SLC6A11: variants seen among roughly 807,000 people sequenced by gnomAD.
SLC6A11 encodes the protein sodium- and chloride-dependent GABA transporter 3.
In SLC6A11, 25 loss-of-function variants were observed where a neutral mutation model predicts 74.8. That is an observed-to-expected ratio of 0.33 (90% CI 0.24 to 0.47). The LOEUF (loss-of-function observed/expected upper bound fraction) is 0.47, where lower values mean the gene tolerates loss of function less well. Ranked by LOEUF, SLC6A11 falls within the 20% of genes least tolerant of loss-of-function variation. The pLI, the probability that SLC6A11 is intolerant of heterozygous loss-of-function variation, is 1.00. For synonymous variants in SLC6A11, 330 were observed against 330.2 expected (o/e 1.00, Z 0.01); for missense variants, 574 against 837.0 (o/e 0.69, Z 3.88).
chr3:10,850,592 G>C (rs945890467), intron 5 of SLC6A11, among the ~76,000 whole-genome samples: 3 of 152,204 alleles, frequency 2.0e-5, no homozygotes, highest in African/African-American at 7.2e-5. Flanking sequence ...GGAAGGATGG[G>C]ATGGGGCCAG....
intron 5 of SLC6A11, among the ~76,000 whole-genome samples, chr3:10,850,350 G>A (rs1025765551): frequency 2.0e-5 from 3 of 152,170 alleles, no homozygotes; most frequent in South Asian, 2.1e-4. Flanking sequence ...TCATTTGCTC[G>A]CTCATTCATT....
intron 8 of SLC6A11, among the ~76,000 whole-genome samples, chr3:10,922,417 G>A (rs148499255): frequency 1.3e-5 from 2 of 152,280 alleles, no homozygotes; most frequent in Non-Finnish European, 2.9e-5. Flanking sequence ...GAAATGGTGT[G>A]TGTGTGTAAA....
In SLC6A11 at chr3:10,924,955, G is replaced by C. The variant is rs528270007; in HGVS notation, c.1121-1049G>C. On this transcript the variant is annotated intron_variant, in intron 8 of 13. Coordinates refer to ENST00000254488, the MANE Select transcript of SLC6A11 (RefSeq NM_014229.3). ...TTCTTAGAACGTTAAACATATGATTGCCATATGACCCAGCAATTCCACTTC... is the reference window on the plus strand; with the variant it reads ...TTCTTAGAACGTTAAACATATGATTCCCATATGACCCAGCAATTCCACTTC... 3.9e-5 allele frequency among the ~76,000 whole-genome samples: 6 copies of C among 152,284 alleles called. No homozygotes were observed. In the South Asian group the frequency reaches 1.0e-3, roughly 26 times the overall value.
At chr3:10,891,611 T>G in intron 6 of SLC6A11, among the ~76,000 whole-genome samples, 1 of 152,224 alleles carries the variant, frequency 6.6e-6, no homozygotes, top group East Asian at 1.9e-4. Flanking sequence ...TTTAATAAAT[T>G]TAAGAGCCAG....
In SLC6A11 at chr3:10,862,647, T is replaced by C. The variant is rs3774111; in HGVS notation, c.757-12314T>C. ...CTTCTTGCTTTAAGGACTTTCTTCA[T>C]GTAGCACATTCTAGATCAGGACTCT... On this transcript the variant is annotated intron_variant, in intron 5 of 13. Coordinates refer to ENST00000254488, the MANE Select transcript of SLC6A11 (RefSeq NM_014229.3). Among the ~76,000 whole-genome samples the C allele has an allele frequency of 2.1e-3, 321 of 152,344 alleles. 8 individuals carry two copies. In the East Asian group the frequency reaches 0.048, roughly 23 times the overall value.
chr3:10,875,090 C>A lies in SLC6A11; in HGVS notation c.886C>A (p.Pro296Thr). 6.2e-7 allele frequency: 1 copy of A among 1,606,936 alleles called. No individual in the cohort carries two copies. Among genetic ancestry groups the A allele is most frequent in the Non-Finnish European group, 8.5e-7 (1 of 1,174,944 alleles). Residue 296 changes from proline to threonine, a missense_variant, in exon 6 of 14, where the codon CCC becomes ACC. By Grantham distance (38) the Pro-to-Thr change is conservative. Transcript: ENST00000254488. ...CCCTGACCTCTCCCGGCTCTCCGACCCCCAGGTAAGAGTCGCTTGCTCAAT... is the reference window on the plus strand; with the variant it reads ...CCCTGACCTCTCCCGGCTCTCCGACACCCAGGTAAGAGTCGCTTGCTCAAT... ...LYPDLSRLSD[P>T]QVWVDAGTQI... is the part of the protein sequence containing the mutation.
intron 7 of SLC6A11, among the ~76,000 whole-genome samples, chr3:10,917,883 G>A (rs531504147): frequency 6.6e-6 from 1 of 152,256 alleles, no homozygotes; most frequent in South Asian, 2.1e-4. Context: ...GGAGCTTCAG[G>A]TGCAAGGCCC....
chr3:10,908,231 A>G (rs975738965), intron 6 of SLC6A11, among the ~76,000 whole-genome samples: 12 of 152,268 alleles, frequency 7.9e-5, no homozygotes, highest in African/African-American at 2.9e-4. Context: ...TATGAAAAGT[A>G]TAAAAAGTTT....
rs994694384 is a variant in SLC6A11 at position 10,915,529 on chromosome 3, C to G, written c.996-2800C>G. 6.6e-6 allele frequency among the ~76,000 whole-genome samples: 1 copy of G among 152,152 alleles called. No individual in the cohort carries two copies. The highest frequency in any genetic ancestry group is 2.4e-5 in the African/African-American group (1 of 41,424). The stretch of plus-strand genomic sequence containing the variant: ...CTTAAAAGCCCAGCTCAGTGCCTGC[C>G]GACTTCAAAGCACTGTTACATAAGC... On this transcript the variant is annotated intron_variant, in intron 7 of 13. Coordinates refer to ENST00000254488, the MANE Select transcript of SLC6A11 (RefSeq NM_014229.3). The surrounding 1 kb of genome is among the most constrained non-coding windows in gnomAD (Gnocchi z 4.3).
At chr3:10,847,928 C>T (rs573115546) in intron 5 of SLC6A11, among the ~76,000 whole-genome samples, 36 of 152,250 alleles carry the variant, frequency 2.4e-4, no homozygotes, top group African/African-American at 8.7e-4. Context: ...TAGCCAGATC[C>T]TTTTTCACAA....
intron 8 of SLC6A11, among the ~76,000 whole-genome samples, chr3:10,922,468 TG>T (rs1231110371): frequency 6.6e-6 from 1 of 152,142 alleles, no homozygotes; most frequent in Admixed American, 6.5e-5. Context: ...CTACCCATTA[TG>T]TGAAAAAAGA....
intron 6 of SLC6A11, among the ~76,000 whole-genome samples, chr3:10,901,011 A>T (rs1283785319): frequency 6.6e-6 from 1 of 152,182 alleles, no homozygotes; most frequent in African/African-American, 2.4e-5. Context: ...GTGGGTAGAC[A>T]TCCTACAGGG....
At chr3:10,880,671 T>G (rs990462914) in intron 6 of SLC6A11, among the ~76,000 whole-genome samples, 1 of 151,966 alleles carries the variant, frequency 6.6e-6, no homozygotes, top group African/African-American at 2.4e-5. Flanking sequence ...TCTAGTCCCT[T>G]GGAGGATGAG....
chr3:10,920,289 C>G (rs1695519286), intron 8 of SLC6A11, among the ~76,000 whole-genome samples: 1 of 152,092 alleles, frequency 6.6e-6, no homozygotes, highest in Non-Finnish European at 1.5e-5. Flanking sequence ...TGTGGAAAAA[C>G]AGAGAAACAT....
chr3:10,858,839 C>T (rs1357613823), intron 5 of SLC6A11, among the ~76,000 whole-genome samples: 2 of 152,148 alleles, frequency 1.3e-5, no homozygotes, highest in African/African-American at 4.8e-5. Flanking sequence ...GTCAAGGAGA[C>T]ATAAAGGCAA....
intron 5 of SLC6A11, among the ~76,000 whole-genome samples, chr3:10,873,386 TATCCTATCCTATGCTATCCTATCCTATCC>T (rs1559566565): frequency 2.6e-4 from 20 of 76,102 alleles, no homozygotes; most frequent in African/African-American, 8.1e-4. Flanking sequence ...TTCATTATTG[TATCCTATCCTATGCTATCCTATCCTATCC>T]TATCCTATCC....
chr3:10,831,648 T>C (rs1559554255), intron 4 of SLC6A11, among the ~76,000 whole-genome samples: 1 of 152,196 alleles, frequency 6.6e-6, no homozygotes, highest in Non-Finnish European at 1.5e-5. Context: ...TTTTGCTTTG[T>C]ACTTTTTTGT....
intron 6 of SLC6A11, among the ~76,000 whole-genome samples, chr3:10,892,325 A>G (rs1433495789): frequency 6.6e-6 from 1 of 152,222 alleles, no homozygotes; most frequent in Non-Finnish European, 1.5e-5. Flanking sequence ...CTCCTTGCTT[A>G]GGGTCTCAGT....
chr3:10,909,153 C>G (rs554749060), intron 6 of SLC6A11, among the ~76,000 whole-genome samples: 11 of 150,156 alleles, frequency 7.3e-5, no homozygotes, highest in African/African-American at 2.4e-4. Flanking sequence ...TGCCTTGCAT[C>G]ATATGCTCAT....
Sources: allele counts gnomAD v4.1 joint callset (sites outside exome capture counted in the v4.1 genomes callset), GRCh38; gene constraint gnomAD v4.1.1; non-coding constraint Gnocchi (gnomAD v3.1); transcripts MANE v1.5; gene names NCBI Gene and HGNC (gene_info 2026-07-23, HGNC 2026-07-21).